Variants in GLIS3 observed in about 807,000 individuals in gnomAD.
GLIS3 encodes the protein zinc finger protein GLIS3.
In GLIS3, 53 loss-of-function variants were observed where a neutral mutation model predicts 78.6. The ratio of observed to expected loss-of-function variants is 0.67; its 90% CI spans 0.54 to 0.85. The LOEUF is 0.85. Ranked by LOEUF, GLIS3 falls within the 40% of genes least tolerant of loss-of-function variation. The probability of loss-of-function intolerance (pLI) is 0.00; values close to 1 mark genes in which losing one functional copy is unlikely to be tolerated. For missense variants in GLIS3, 1,703 were observed against 1,231.1 expected (o/e 1.38, Z -5.74); for synonymous variants, 684 against 509.9 (o/e 1.34, Z -4.60).
At chr9:4,289,023 A>G (rs1023640654) in intron 1 of GLIS3, among the ~76,000 whole-genome samples, 1 of 152,188 alleles carries the variant, frequency 6.6e-6, no homozygotes, top group African/African-American at 2.4e-5. Flanking sequence ...TAGCTAGGCC[A>G]TATGATGAAG....
intron 6 of GLIS3, among the ~76,000 whole-genome samples, chr9:3,900,374 C>T (rs1314605426): frequency 3.3e-5 from 5 of 151,340 alleles, no homozygotes; most frequent in Admixed American, 6.6e-5. Flanking sequence ...AATATTGGTA[C>T]AAACAGTCTA....
At chr9:4,162,422 C>T (rs1445424249) in intron 2 of GLIS3, among the ~76,000 whole-genome samples, 1 of 152,016 alleles carries the variant, frequency 6.6e-6, no homozygotes, top group Non-Finnish European at 1.5e-5. Context: ...GTCACTTGGT[C>T]CAAGGAATCT....
At chr9:3,833,441 C>G (rs541335411) in intron 9 of GLIS3, among the ~76,000 whole-genome samples, 1 of 152,170 alleles carries the variant, frequency 6.6e-6, no homozygotes, top group East Asian at 1.9e-4. Flanking sequence ...TGCATTCCAG[C>G]GGTTGGATTT....
At chr9:4,409,688 G>A in the GLIS3 span, among the ~76,000 whole-genome samples, 2 of 152,044 alleles carry the variant, frequency 1.3e-5, no homozygotes, top group South Asian at 4.2e-4. Flanking sequence ...TTTGGCTGGG[G>A]AATTATTAAA....
At chr9:4,076,216 CCCATAAGAACTATAATCT>C (rs1441639052) in intron 4 of GLIS3, among the ~76,000 whole-genome samples, 1 of 152,126 alleles carries the variant, frequency 6.6e-6, no homozygotes, top group Non-Finnish European at 1.5e-5. Flanking sequence ...CATCTACTAT[CCCATAAGAACTATAATCT>C]CCATGTGAAA....
chr9:4,353,752 G>A, the GLIS3 span, among the ~76,000 whole-genome samples: 3 of 152,250 alleles, frequency 2.0e-5, no homozygotes, highest in East Asian at 1.9e-4. Flanking sequence ...CTCCTTATCC[G>A]CTGCACAAAG....
chr9:4,012,772 T>TTC (rs1563947157), intron 4 of GLIS3, among the ~76,000 whole-genome samples: 44 of 137,228 alleles, frequency 3.2e-4, no homozygotes, highest in African/African-American at 1.2e-3. Flanking sequence ...TTTCTTTTTT[T>TTC]TTTTTTTTTT....
chr9:3,862,317 G>A (rs920244580), intron 8 of GLIS3, among the ~76,000 whole-genome samples: 1 of 152,186 alleles, frequency 6.6e-6, no homozygotes, highest in Non-Finnish European at 1.5e-5. Context: ...TAGTGGGAGA[G>A]CGTGTCAGCA....
intron 4 of GLIS3, among the ~76,000 whole-genome samples, chr9:3,989,190 C>T (rs1240747704): frequency 6.6e-6 from 1 of 152,042 alleles, no homozygotes; most frequent in South Asian, 2.1e-4. Context: ...ATTAAAACTA[C>T]AATGAAATAT....
Position 4,192,087 on chromosome 9 carries a change from C to A in GLIS3, c.389-66146G>T, listed in dbSNP as rs143218398. ...TTCTTGTGATAAACATTGAGCATGG[C>A]AAAGAAAACGATAATTTCTGAAGTA... On this transcript the variant is annotated intron_variant, in intron 2 of 10. Transcript: ENST00000381971. Among the ~76,000 whole-genome samples the A allele has an allele frequency of 4.7e-3, 717 of 152,038 alleles. 4 individuals are homozygous for A. The highest frequency in any genetic ancestry group is 7.9e-3 in the Admixed American group (120 of 15,272).
At chr9:4,003,617 T>C (rs1369298999) in intron 4 of GLIS3, among the ~76,000 whole-genome samples, 1 of 152,186 alleles carries the variant, frequency 6.6e-6, no homozygotes, top group East Asian at 1.9e-4. Context: ...TGAGTGTCTC[T>C]AAGTCTCTCC....
the GLIS3 span, among the ~76,000 whole-genome samples, chr9:4,382,635 AAT>A: frequency 6.6e-6 from 1 of 152,204 alleles, no homozygotes; most frequent in Admixed American, 6.5e-5. Flanking sequence ...TCCTCAGAAA[AAT>A]ATAGATACCA....
chr9:4,340,787 T>A lies in GLIS3; in HGVS notation n.264+6294A>T, dbSNP rs146562885. 6.3e-3 allele frequency among the ~76,000 whole-genome samples: 957 copies of A among 152,272 alleles called. 12 individuals carry two copies. The highest frequency in any genetic ancestry group is 0.021 in the African/African-American group (876 of 41,550). ...CTCAACTCACTGAACCTCCGCCTCC[T>A]GGGTTCAAGCAATTGTCCCTGCCTC... is the stretch of plus-strand genomic sequence containing the variant. On this transcript the variant is annotated intron_variant and non_coding_transcript_variant, in intron 2 of 4. Transcript: ENST00000471664.
chr9:4,245,421 T>A (rs1461089423), intron 2 of GLIS3, among the ~76,000 whole-genome samples: 1 of 152,218 alleles, frequency 6.6e-6, no homozygotes, highest in Non-Finnish European at 1.5e-5. Context: ...AATTTTCAGG[T>A]TCTACATGTT....
chr9:4,397,838 C>G, the GLIS3 span, among the ~76,000 whole-genome samples: 1 of 151,724 alleles, frequency 6.6e-6, no homozygotes, highest in Non-Finnish European at 1.5e-5. Flanking sequence ...CTGAGCAATC[C>G]AAAGTATTCC....
chr9:4,278,202 C>A (rs1827202636), intron 2 of GLIS3, among the ~76,000 whole-genome samples: 1 of 152,200 alleles, frequency 6.6e-6, no homozygotes, highest in African/African-American at 2.4e-5. Context: ...TTGGAACTCA[C>A]TATCTTTCTC....
At chr9:4,451,600 T>C in the GLIS3 span, among the ~76,000 whole-genome samples, 1 of 152,124 alleles carries the variant, frequency 6.6e-6, no homozygotes, top group East Asian at 1.9e-4. Context: ...TAGTTGGAAG[T>C]AAAGCACTCC....
intron 2 of GLIS3, among the ~76,000 whole-genome samples, chr9:4,178,703 C>G (rs1261042512): frequency 6.6e-6 from 1 of 152,158 alleles, no homozygotes; most frequent in Non-Finnish European, 1.5e-5. Flanking sequence ...ACTACACTGT[C>G]TTAGAGCGTA....
At chr9:4,119,102 C>G (rs976676748) in intron 3 of GLIS3, among the ~76,000 whole-genome samples, 2 of 152,076 alleles carry the variant, frequency 1.3e-5, no homozygotes. Context: ...CTAATGCTCA[C>G]TGAAATAATG....
Sources: gnomAD v4.1 joint callset for allele counts (sites outside exome capture counted in the v4.1 genomes callset) on GRCh38, gnomAD v4.1.1 for gene constraint, MANE v1.5 for transcripts, NCBI Gene and HGNC (gene_info 2026-07-23, HGNC 2026-07-21) for gene names.